Variants in INO80 observed in about 807,000 individuals in gnomAD.
INO80 encodes INO80 complex ATPase subunit.
A neutral mutation model predicts 203.4 loss-of-function variants in INO80; 20 were observed. That is an observed-to-expected ratio of 0.10 (90% CI 0.07 to 0.14). The LOEUF (loss-of-function observed/expected upper bound fraction) is 0.14. Among genes scored for constraint, INO80 ranks in the 10% least tolerant of loss-of-function variants. The probability of loss-of-function intolerance (pLI) is 1.00; values close to 1 mark genes in which losing one functional copy is unlikely to be tolerated. For synonymous variants in INO80, 726 were observed against 685.2 expected (o/e 1.06, Z -0.93); for missense variants, 1,419 against 1,914.4 (o/e 0.74, Z 4.83).
intron 24 of INO80, among the ~76,000 whole-genome samples, chr15:41,038,292 G>A (rs778488700): frequency 6.6e-6 from 1 of 151,970 alleles, no homozygotes; most frequent in African/African-American, 2.4e-5. Context: ...TTACAGGCAT[G>A]AGCTACTGCA....
intron 28 of INO80, chr15:40,999,294 AC>A (rs1473482495): frequency 2.6e-5 from 4 of 152,230 alleles, no homozygotes; most frequent in Non-Finnish European, 5.9e-5. Context: ...TGGTAAAGTC[AC>A]TTGACTGCTG....
rs189568611 is a variant in INO80 at position 41,084,814 on chromosome 15, G to A, written c.873+555C>T. On this transcript the variant is annotated intron_variant, in intron 7 of 35. Coordinates refer to ENST00000648947, the MANE Select transcript of INO80 (RefSeq NM_017553.3). ...GAGTGCAGTGGTGCGATCTCAGCTC[G>A]CTGCAGCCTCAACCTCCTGGGCTCT... Among the ~76,000 whole-genome samples the A allele has an allele frequency of 7.2e-4, 110 of 152,150 alleles. 1 individual carries two copies. In the Middle Eastern group the frequency reaches 0.01, roughly 14 times the overall value.
At chr15:41,040,486 C>T (rs1055053993) in intron 24 of INO80, among the ~76,000 whole-genome samples, 10 of 152,092 alleles carry the variant, frequency 6.6e-5, no homozygotes, top group Admixed American at 3.3e-4. Flanking sequence ...TTTCAATAAA[C>T]GGGATATGGA....
At chr15:40,993,517 G>C (rs1243088337) in intron 29 of INO80, among the ~76,000 whole-genome samples, 1 of 152,140 alleles carries the variant, frequency 6.6e-6, no homozygotes, top group African/African-American at 2.4e-5. Context: ...CAGCACTTTG[G>C]GAGGCGGAGG....
At chr15:41,070,831 A>C (rs2045298266) in intron 12 of INO80, among the ~76,000 whole-genome samples, 1 of 152,236 alleles carries the variant, frequency 6.6e-6, no homozygotes, top group Admixed American at 6.5e-5. Flanking sequence ...ACAAACCATA[A>C]GAAATACACA....
chr15:40,996,043 G>A (rs1040781512), intron 29 of INO80, among the ~76,000 whole-genome samples: 1 of 151,798 alleles, frequency 6.6e-6, no homozygotes, highest in Non-Finnish European at 1.5e-5. Flanking sequence ...TAGTGAGAGA[G>A]AGAGAGAGAG....
At chr15:41,082,828 G>C (rs1234309345) in intron 7 of INO80, among the ~76,000 whole-genome samples, 1 of 152,100 alleles carries the variant, frequency 6.6e-6, no homozygotes, top group Non-Finnish European at 1.5e-5. Flanking sequence ...ACGCTGAAGT[G>C]AACCAAGATG....
At chr15:41,062,279 G>A (rs1033281034) in intron 14 of INO80, among the ~76,000 whole-genome samples, 1 of 152,028 alleles carries the variant, frequency 6.6e-6, no homozygotes, top group Non-Finnish European at 1.5e-5. Context: ...AAGTCAAGAA[G>A]GCAAGTTTTT....
At chr15:40,980,483 C>A in intron 35 of INO80, 43 bp from the exon 36 acceptor site, 1 of 1,473,556 alleles carries the variant, frequency 6.8e-7, no homozygotes, top group Non-Finnish European at 9.4e-7. Context: ...ACCAGTCCCG[C>A]GTAAGCTTCC....
intron 28 of INO80, among the ~76,000 whole-genome samples, chr15:40,999,109 G>A (rs1402033196): frequency 6.6e-6 from 1 of 151,834 alleles, no homozygotes; most frequent in Non-Finnish European, 1.5e-5. Context: ...TGCATTACAG[G>A]TCATAAAGGT....
intron 29 of INO80, among the ~76,000 whole-genome samples, chr15:40,989,340 C>T (rs2043786102): frequency 6.6e-6 from 1 of 152,184 alleles, no homozygotes; most frequent in African/African-American, 2.4e-5. Context: ...AACAAATTAA[C>T]AACAAAATAT....
At chr15:41,038,854 CTGGT>C (rs2044623157) in intron 24 of INO80, among the ~76,000 whole-genome samples, 2 of 152,126 alleles carry the variant, frequency 1.3e-5, no homozygotes, top group Non-Finnish European at 2.9e-5. Flanking sequence ...TATAATGACT[CTGGT>C]AATTTAGCAG....
intron 15 of INO80, among the ~76,000 whole-genome samples, chr15:41,059,311 C>A (rs924845261): frequency 3.3e-5 from 5 of 150,734 alleles, no homozygotes; most frequent in African/African-American, 1.2e-4. Flanking sequence ...TAGGCTGAAA[C>A]TAGTCTTCAG....
chr15:41,107,042 C>T, intron 1 of INO80, among the ~76,000 whole-genome samples: 1 of 152,230 alleles, frequency 6.6e-6, no homozygotes, highest in East Asian at 1.9e-4. Flanking sequence ...TTTTGTCTTA[C>T]AGATTCCACT....
At chr15:41,023,054 C>G (rs2044317941) in intron 25 of INO80, among the ~76,000 whole-genome samples, 1 of 149,002 alleles carries the variant, frequency 6.7e-6, no homozygotes, top group Non-Finnish European at 1.5e-5. Flanking sequence ...TGAGCCAAGA[C>G]TGTGCCACTG....
chr15:41,050,974 C>T (rs1461751146), intron 19 of INO80, among the ~76,000 whole-genome samples: 4 of 151,686 alleles, frequency 2.6e-5, no homozygotes, highest in African/African-American at 7.3e-5. Flanking sequence ...CTACTAAATA[C>T]AAAAATTAGC....
At chr15:41,041,081 G>A (rs1008140772) in intron 24 of INO80, among the ~76,000 whole-genome samples, 2 of 152,084 alleles carry the variant, frequency 1.3e-5, no homozygotes, top group African/African-American at 2.4e-5. Context: ...CTGCAAAGAC[G>A]TAGAGGGTCT....
intron 14 of INO80, among the ~76,000 whole-genome samples, chr15:41,061,116 G>T (rs2045097015): frequency 1.3e-5 from 2 of 152,062 alleles, no homozygotes; most frequent in African/African-American, 4.8e-5. Context: ...AGACCAGCCT[G>T]GGCAACATGG....
intron 9 of INO80, among the ~76,000 whole-genome samples, chr15:41,077,363 A>G (rs2045421495): frequency 6.6e-6 from 1 of 151,304 alleles, no homozygotes; most frequent in Non-Finnish European, 1.5e-5. Flanking sequence ...ATACAGCAAA[A>G]AAAAAAAAAA....
Sources: allele counts gnomAD v4.1 joint callset (sites outside exome capture counted in the v4.1 genomes callset), GRCh38; gene constraint gnomAD v4.1.1; transcripts MANE v1.5; gene names NCBI Gene and HGNC (gene_info 2026-07-23, HGNC 2026-07-21).